NRDE2: variants seen among roughly 807,000 people sequenced by gnomAD.
NRDE2 encodes the protein NRDE-2, necessary for RNA interference, domain containing, also known as nuclear exosome regulator NRDE2.
NRDE2 carries 76 observed loss-of-function variants against 124.2 expected under a neutral mutation model. That is an observed-to-expected ratio of 0.61 (90% CI 0.51 to 0.74). The LOEUF (loss-of-function observed/expected upper bound fraction) is 0.74. Among genes scored for constraint, NRDE2 ranks in the 30% least tolerant of loss-of-function variants. The pLI is 0.00. For missense variants in NRDE2, 1,314 were observed against 1,417.3 expected (o/e 0.93, Z 1.17); for synonymous variants, 489 against 528.1 (o/e 0.93, Z 1.01).
chr14:90,292,687 G>A lies in NRDE2; in HGVS notation c.1842+10C>T. The A allele has an allele frequency of 6.2e-7, 1 of 1,607,922 alleles. No homozygotes were observed. The highest frequency in any genetic ancestry group is 8.5e-7 in the Non-Finnish European group (1 of 1,174,842). ...TGGACAGCTTCCTGCCTGGGGCGGA[G>A]GATACATGCCTGTCTCTCGGGATCC... On this transcript the variant is annotated intron_variant, in intron 9 of 13. Coordinates refer to ENST00000354366, the MANE Select transcript of NRDE2 (RefSeq NM_017970.4).
intron 1 of NRDE2, among the ~76,000 whole-genome samples, chr14:90,319,869 T>C (rs778055188): frequency 6.6e-6 from 1 of 152,268 alleles, no homozygotes; most frequent in Non-Finnish European, 1.5e-5. Flanking sequence ...GGTGATATGG[T>C]AACTCATATT....
rs71117333 is a variant in NRDE2, at chr14:90,274,546, G to GTATT, written c.*3786_*3789dup. The GTATT allele has an allele frequency of 0.32, 48,334 of 151,622 alleles. 8,917 individuals are homozygous for GTATT. Among genetic ancestry groups the GTATT allele is most frequent in the East Asian group, 0.51 (2,598 of 5,096 alleles). 9.4% of individuals were successfully genotyped at this position (151,622 alleles called of 1,614,324 possible). On this transcript the variant is annotated 3_prime_UTR_variant, in exon 14 of 14. Transcript: ENST00000354366. ...TAGACCCAGACCTTTGCTGCTAAAA[G>GTATT]TATTATTCTCCACTAAAAGGAGTGA... is the stretch of plus-strand genomic sequence containing the variant.
intron 1 of NRDE2, among the ~76,000 whole-genome samples, chr14:90,320,621 T>C (rs1043895509): frequency 6.6e-6 from 1 of 152,098 alleles, no homozygotes; most frequent in East Asian, 1.9e-4. Flanking sequence ...TGGCTTATAG[T>C]AAGTGTTCAA....
Position 90,288,820 on chromosome 14 carries a change from T to C in NRDE2, c.2555A>G (p.Lys852Arg), listed in dbSNP as rs1371077639. Residue 852 changes from lysine (K) to arginine (R), a missense_variant, in exon 11 of 14, where the codon AAG becomes AGG. Transcript: ENST00000354366. ...ATARAVHILT[K>R]LTESSPYGPY... ...CCCATAGGGGCTGCTCTCAGTCAGC[T>C]TGGTTAATATGTGAACAGCTCGAGC... The C allele has an allele frequency of 2.5e-6, 4 of 1,613,964 alleles. No homozygotes were observed. The highest frequency in any genetic ancestry group is 1.7e-5 in the Admixed American group (1 of 60,002).
At chr14:90,317,867 A>G (rs1366769563) in intron 2 of NRDE2, 138 bp downstream of exon 2, 4 of 580,322 alleles carry the variant, frequency 6.9e-6, no homozygotes, top group Middle Eastern at 7.4e-4. Flanking sequence ...AAGGGAAAAT[A>G]GTCAAAGATC....
Position 90,271,768 on chromosome 14 carries a change from G to A in NRDE2, c.*6568C>T, listed in dbSNP as rs1422885977. The A allele has an allele frequency of 1.3e-5, 2 of 152,814 alleles. No individual in the cohort carries two copies. The highest frequency in any genetic ancestry group is 4.8e-5 in the African/African-American group (2 of 41,380). The allele number at this position is 152,814 out of a possible 1,614,324, so 9.5% of individuals were successfully genotyped here. A position where few individuals can be genotyped will look rare whatever the true frequency, so the allele number is the denominator to read the frequency against. ...TCAGTCTTAGTTACAGTAACTCCCA[G>A]TTTAAGCCACTTCACATCCTTTCAG... On this transcript the variant is annotated 3_prime_UTR_variant, in exon 14 of 14. Transcript: ENST00000354366.
chr14:90,331,785 G>A (rs953726467), intron 1 of NRDE2, 56 bp downstream of exon 1: 17 of 1,572,728 alleles, frequency 1.1e-5, no homozygotes, highest in Non-Finnish European at 1.4e-5. Flanking sequence ...ACCTGGGCCC[G>A]AGAAACAGCC....
intron 1 of NRDE2, among the ~76,000 whole-genome samples, chr14:90,322,946 C>A (rs1333270668): frequency 6.6e-6 from 1 of 152,020 alleles, no homozygotes; most frequent in Admixed American, 6.6e-5. Context: ...TAGAGAAGAC[C>A]AGCAGCACAC....
At chr14:90,286,166 T>A (rs907155828) in intron 12 of NRDE2, among the ~76,000 whole-genome samples, 188 bp downstream of exon 12, 1 of 152,164 alleles carries the variant, frequency 6.6e-6, no homozygotes, top group Non-Finnish European at 1.5e-5. Flanking sequence ...TCTTCCCAAG[T>A]CCTGAGAGAT....
At chr14:90,324,673 CAAAAAAAAAAAA>C in intron 1 of NRDE2, among the ~76,000 whole-genome samples, 1 of 65,990 alleles carries the variant, frequency 1.5e-5, no homozygotes, top group Admixed American at 1.5e-4. Context: ...GCTCCGTCTC[CAAAAAAAAAAAA>C]AAAAAAAGAG....
At position 90,278,341 on chromosome 14, in the gene NRDE2, C is replaced by G. The variant is rs369261711; in HGVS notation, c.3490G>C (p.Asp1164His). Residue 1164 changes from aspartate to histidine, a missense_variant, in exon 14 of 14, where the codon GAT (aspartate) becomes CAT (histidine). By Grantham distance (81) the Asp-to-His change is moderately conservative. Coordinates refer to ENST00000354366, the MANE Select transcript of NRDE2 (RefSeq NM_017970.4). ...PLEELELLLED is the reference protein window; with the variant it reads ...PLEELELLLEH Reference sequence around the variant, plus strand: ...GCCCGTTTTCCCGCTGCTCTCTAATCCTCCAGCAGCAGCTCCAGCTCCTCC... The same window carrying G: ...GCCCGTTTTCCCGCTGCTCTCTAATGCTCCAGCAGCAGCTCCAGCTCCTCC... The G allele has an allele frequency of 4.3e-6, 7 of 1,614,122 alleles. No homozygotes were observed. The highest frequency in any genetic ancestry group is 5.9e-6 in the Non-Finnish European group (7 of 1,179,982).
rs1891799317 is a variant in NRDE2, at chr14:90,276,215, CTG to C, written c.*2119_*2120del. The C allele has an allele frequency of 6.6e-5, 4 of 60,182 alleles. No individual in the cohort carries two copies. The highest frequency in any genetic ancestry group is 2.7e-4 in the Admixed American group (1 of 3,684). 3.7% of individuals were successfully genotyped at this position (60,182 alleles called of 1,614,324 possible). On this transcript the variant is annotated 3_prime_UTR_variant, in exon 14 of 14. Transcript: ENST00000354366. ...GTTCATGTCAGCAATCTCAAACGGG[CTG>C]TTTTTTTTTTTTTTTTTTCGAGACG...
chr14:90,323,938 T>C (rs1321872436), intron 1 of NRDE2, among the ~76,000 whole-genome samples: 1 of 152,160 alleles, frequency 6.6e-6, no homozygotes, highest in Non-Finnish European at 1.5e-5. Flanking sequence ...GTGCTAGGAA[T>C]GCACGATGAA....
chr14:90,318,755 C>A (rs750879798), intron 1 of NRDE2, among the ~76,000 whole-genome samples: 1 of 152,126 alleles, frequency 6.6e-6, no homozygotes, highest in African/African-American at 2.4e-5. Context: ...GCCGGTATCA[C>A]GCCACTGCAC....
In NRDE2 at chr14:90,268,572, C is replaced by G. The variant is rs1485429961; in HGVS notation, c.*9764G>C. The stretch of plus-strand genomic sequence containing the variant: ...TAGGCTCTGCTCTCCCAGGAGCCAG[C>G]TAACAACTGCCCAGTAACTGTGAAC... On this transcript the variant is annotated 3_prime_UTR_variant, in exon 14 of 14. Transcript: ENST00000354366. 1 of 670,616 alleles carries G rather than the reference C, an allele frequency of 1.5e-6. No individual in the cohort carries two copies. Among genetic ancestry groups the G allele is most frequent in the East Asian group, 2.7e-5 (1 of 37,512 alleles). The allele number at this position is 670,616 out of a possible 1,614,324, so 41.5% of individuals were successfully genotyped here. A position where few individuals can be genotyped will look rare whatever the true frequency, so the allele number is the denominator to read the frequency against.
Position 90,268,117 on chromosome 14 carries a change from G to C in NRDE2, c.*10219C>G. The C allele has an allele frequency of 1.2e-6, 1 of 863,020 alleles. No homozygotes were observed. The highest frequency in any genetic ancestry group is 1.7e-6 in the Non-Finnish European group (1 of 579,806). The allele number at this position is 863,020 out of a possible 1,614,324, so 53.5% of individuals were successfully genotyped here. ...AATTGGTGCCATGCCTTAGCATGAG[G>C]GCCCGCCTGTTTTTGGTGTCCATTT... On this transcript the variant is annotated 3_prime_UTR_variant, in exon 14 of 14. Transcript: ENST00000354366.
chr14:90,316,886 CA>C (rs1419436742), intron 2 of NRDE2, 75 bp from the exon 3 acceptor site: 45 of 980,248 alleles, frequency 4.6e-5, no homozygotes, highest in Non-Finnish European at 6.1e-5. Flanking sequence ...AATAAGTCAA[CA>C]AATATTTAAG....
chr14:90,319,102 C>T (rs565340590), intron 1 of NRDE2, among the ~76,000 whole-genome samples: 29 of 152,078 alleles, frequency 1.9e-4, no homozygotes, highest in East Asian at 1.9e-4. Flanking sequence ...CTACAGTGAA[C>T]GATTTCTAAA....
Position 90,331,900 on chromosome 14 carries a change from G to A in NRDE2, c.5C>T (p.Ala2Val). The A allele has an allele frequency of 1.2e-6, 2 of 1,614,088 alleles. No individual in the cohort carries two copies. The highest frequency in any genetic ancestry group is 2.2e-5 in the East Asian group (1 of 44,876). M[A>V]LFPAFAGLSE... Reference sequence around the variant, plus strand: ...AAGCCCCGCAAAGGCTGGGAACAGCGCCATGACCACAGGCCGTACCTCCGT... The same window carrying A: ...AAGCCCCGCAAAGGCTGGGAACAGCACCATGACCACAGGCCGTACCTCCGT... Residue 2 changes from alanine to valine, a missense_variant, in exon 1 of 14, where the codon GCG (alanine) becomes GTG (valine). Transcript: ENST00000354366.
Sources: gnomAD v4.1 joint callset for allele counts (sites outside exome capture counted in the v4.1 genomes callset) on GRCh38, gnomAD v4.1.1 for gene constraint, MANE v1.5 for transcripts, NCBI Gene and HGNC (gene_info 2026-07-23, HGNC 2026-07-21) for gene names.